Variants in CRB1 observed in about 807,000 individuals in gnomAD.
CRB1 encodes crumbs cell polarity complex component 1.
Under a neutral mutation model 120.0 loss-of-function variants are expected in CRB1, and 83 were observed. The ratio of observed to expected loss-of-function variants is 0.69; its 90% CI spans 0.58 to 0.83. The LOEUF (loss-of-function observed/expected upper bound fraction) is 0.83. CRB1 is among the 40% of genes least tolerant of loss of function. The pLI is 0.00. For missense variants in CRB1, 1,699 were observed against 1,687.6 expected (o/e 1.01, Z -0.12); for synonymous variants, 625 against 612.5 (o/e 1.02, Z -0.30).
At chr1:197,231,318 T>C in the CRB1 span, among the ~76,000 whole-genome samples, 1 of 152,204 alleles carries the variant, frequency 6.6e-6, no homozygotes, top group East Asian at 1.9e-4. Context: ...ATTTTTGATA[T>C]TTTTCATAAA....
At chr1:197,284,015 A>C (rs1174834415) in intron 1 of CRB1, among the ~76,000 whole-genome samples, 1 of 151,908 alleles carries the variant, frequency 6.6e-6, no homozygotes, top group African/African-American at 2.4e-5. Context: ...ATTATAAGCT[A>C]TGTGGGTTTG....
upstream of CRB1, among the ~76,000 whole-genome samples, chr1:197,266,154 C>A (rs556597548): frequency 2.0e-5 from 3 of 152,122 alleles, no homozygotes; most frequent in Non-Finnish European, 4.4e-5. Context: ...CACTCTTGCC[C>A]TATTTATTTG....
At chr1:197,410,415 G>T (rs955457551) in intron 5 of CRB1, among the ~76,000 whole-genome samples, 1 of 152,132 alleles carries the variant, frequency 6.6e-6, no homozygotes, top group Non-Finnish European at 1.5e-5. Flanking sequence ...AAATTTAATG[G>T]TAATCAATAC....
At chr1:197,245,863 G>A in the CRB1 span, among the ~76,000 whole-genome samples, 7 of 151,992 alleles carry the variant, frequency 4.6e-5, no homozygotes, top group East Asian at 1.9e-4. Flanking sequence ...TGTGGCCTCC[G>A]CTGATGTTTT....
intron 4 of CRB1, among the ~76,000 whole-genome samples, chr1:197,353,814 T>TAAAAA (rs57274486): frequency 1.0e-3 from 92 of 89,214 alleles, no homozygotes; most frequent in East Asian, 4.5e-3. Flanking sequence ...AATATATAAA[T>TAAAAA]AAAAAAAAAA....
chr1:197,317,547 G>A (rs1190609531), intron 1 of CRB1, among the ~76,000 whole-genome samples: 1 of 152,204 alleles, frequency 6.6e-6, no homozygotes, highest in Admixed American at 6.5e-5. Flanking sequence ...AAGCAATCTT[G>A]AGCAAAAATA....
intron 11 of CRB1, among the ~76,000 whole-genome samples, chr1:197,458,061 A>G (rs1328567495): frequency 1.3e-5 from 2 of 152,162 alleles, no homozygotes; most frequent in Admixed American, 6.6e-5. Flanking sequence ...CATTAAAGCC[A>G]TAACCTTCCT....
intron 1 of CRB1, among the ~76,000 whole-genome samples, chr1:197,284,009 T>C (rs1249056091): frequency 6.6e-6 from 1 of 151,938 alleles, no homozygotes; most frequent in Non-Finnish European, 1.5e-5. Context: ...ATTTCAATTA[T>C]AAGCTATGTG....
rs200828409 is a variant in CRB1, at chr1:197,283,119, AAT to A, written c.70+14639_70+14640del. 9.5e-4 allele frequency among the ~76,000 whole-genome samples: 141 copies of A among 147,728 alleles called. 1 individual carries two copies. Among genetic ancestry groups the A allele is most frequent in the Non-Finnish European group, 1.4e-3 (88 of 65,004 alleles). ...AAAAAGGTTAAGCAAAAATAAAAAA[AAT>A]AAAAATAAACACATCAGGATGTCAA... On this transcript the variant is annotated intron_variant, in intron 1 of 11. Coordinates refer to ENST00000367400, the MANE Select transcript of CRB1 (RefSeq NM_201253.3).
At chr1:197,365,795 ACGG>A (rs1300855915) in intron 5 of CRB1, among the ~76,000 whole-genome samples, 1 of 151,862 alleles carries the variant, frequency 6.6e-6, no homozygotes, top group African/African-American at 2.4e-5. Context: ...AAACACCAGG[ACGG>A]AGGCACCTCC....
the CRB1 span, among the ~76,000 whole-genome samples, chr1:197,244,673 A>G: frequency 6.6e-6 from 1 of 151,482 alleles, no homozygotes. Flanking sequence ...GTATTTGTTC[A>G]CCTTCTTGAA....
intron 10 of CRB1, chr1:197,441,884 C>A (rs900776185): frequency 1.4e-5 from 6 of 428,354 alleles, no homozygotes; most frequent in Non-Finnish European, 2.6e-5. Flanking sequence ...AGGCATGGCC[C>A]ACTTTTCTCT....
intron 2 of CRB1, among the ~76,000 whole-genome samples, chr1:197,332,267 G>C (rs1055428206): frequency 6.6e-6 from 1 of 152,138 alleles, no homozygotes; most frequent in African/African-American, 2.4e-5. Context: ...TTATACTGTA[G>C]GTTGTATCAC....
At chr1:197,358,554 C>T (rs1243610766) in intron 5 of CRB1, among the ~76,000 whole-genome samples, 1 of 152,166 alleles carries the variant, frequency 6.6e-6, no homozygotes, top group Non-Finnish European at 1.5e-5. Context: ...TGGCTTAATG[C>T]AATGGTTTAT....
At chr1:197,345,122 G>T (rs1440600316) in intron 3 of CRB1, among the ~76,000 whole-genome samples, 1 of 152,148 alleles carries the variant, frequency 6.6e-6, no homozygotes, top group Non-Finnish European at 1.5e-5. Context: ...ATTTTTAAAA[G>T]AACTTTCTAA....
rs550936836 is a variant in CRB1, at chr1:197,332,147, CA to C, written c.652+3150del. On this transcript the variant is annotated intron_variant, in intron 2 of 11. Coordinates refer to ENST00000367400, the MANE Select transcript of CRB1 (RefSeq NM_201253.3). Reference sequence around the variant, plus strand: ...AGGGTGAGACCCTGTCTCAAAAAAACAAAAAACAAAAAACAAAACAAACAAA... The same window carrying C: ...AGGGTGAGACCCTGTCTCAAAAAAACAAAAACAAAAAACAAAACAAACAAA... Among the ~76,000 whole-genome samples, 507 of 151,602 alleles carry C rather than the reference CA, an allele frequency of 3.3e-3. 1 individual carries two copies. The highest frequency in any genetic ancestry group is 0.012 in the African/African-American group (476 of 41,320).
chr1:197,367,741 T>C (rs1661150717), intron 5 of CRB1, among the ~76,000 whole-genome samples: 1 of 152,156 alleles, frequency 6.6e-6, no homozygotes, highest in South Asian at 2.1e-4. Flanking sequence ...AGGAACACCC[T>C]CCCTGGTCTC....
At chr1:197,445,551 T>C (rs1665662203) in intron 11 of CRB1, among the ~76,000 whole-genome samples, 1 of 152,220 alleles carries the variant, frequency 6.6e-6, no homozygotes, top group African/African-American at 2.4e-5. Flanking sequence ...CTTTTTATCT[T>C]CCAAATTCTT....
the CRB1 span, among the ~76,000 whole-genome samples, chr1:197,259,840 G>C: frequency 6.6e-6 from 1 of 152,010 alleles, no homozygotes; most frequent in Non-Finnish European, 1.5e-5. Flanking sequence ...CTGTACAAGG[G>C]AAGGCAAAAA....
Sources: allele counts gnomAD v4.1 joint callset (sites outside exome capture counted in the v4.1 genomes callset), GRCh38; gene constraint gnomAD v4.1.1; transcripts MANE v1.5; gene names NCBI Gene and HGNC (gene_info 2026-07-23, HGNC 2026-07-21).